Variants in TRIL observed in about 807,000 individuals in gnomAD.
The protein encoded by TRIL is TLR4 interactor with leucine rich repeats.
TRIL carries 23 observed loss-of-function variants against 43.0 expected under a neutral mutation model. The observed-to-expected ratio is 0.54, with a 90% CI of 0.39 to 0.76. The LOEUF (loss-of-function observed/expected upper bound fraction) is 0.76. Ranked by LOEUF, TRIL falls within the 30% of genes least tolerant of loss-of-function variation. The pLI is 0.00. For synonymous variants in TRIL, 602 were observed against 556.8 expected (o/e 1.08, Z -1.14); for missense variants, 1,114 against 1,139.3 (o/e 0.98, Z 0.32).
Position 28,955,425 on chromosome 7 carries a change from C to A in TRIL, c.*186G>T. ...CATTTGTCCCCTACTCTGGCTCTGA[C>A]CACCAAGTACCATCCATTTACTTCT... On this transcript the variant is annotated 3_prime_UTR_variant, in exon 1 of 1. Transcript: ENST00000539664. The A allele has an allele frequency of 1.1e-6, 1 of 921,998 alleles. No homozygotes were observed. The highest frequency in any genetic ancestry group is 2.0e-5 in the South Asian group (1 of 50,296). 57.1% of individuals were successfully genotyped at this position (921,998 alleles called of 1,614,324 possible).
rs928892673 is a variant in TRIL, at chr7:28,955,645, C to T, written c.2402G>A (p.Arg801Gln). The change falls in exon 1 of 1, where the codon CGG (arginine) becomes CAG (glutamine). Residue 801 changes from arginine (R) to glutamine (Q), a missense_variant. By Grantham distance (43) the Arg-to-Gln change is conservative. Coordinates refer to ENST00000539664, the MANE Select transcript of TRIL (RefSeq NM_014817.4). ...AAATCGCTGCAGGAGACGGTCCTCC[C>T]GTCTCAGGCTGCCGCCCGCGCCGCC... ...AGGGAGGSLR[R>Q]EDRLLQRFAD 5.2e-6 allele frequency: 8 copies of T among 1,545,810 alleles called. No homozygotes were observed. In the Admixed American group the frequency reaches 1.4e-4, roughly 27 times the overall value.
At position 28,957,780 on chromosome 7, in the gene TRIL, G is replaced by A. The variant is rs777548659; in HGVS notation, c.267C>T (p.Asp89=). Residue 89 remains aspartate (D), a synonymous_variant, in exon 1 of 1, where the codon GAC becomes GAT. Coordinates refer to ENST00000539664, the MANE Select transcript of TRIL (RefSeq NM_014817.4). ...FHRLGQLRRL[D]LQYNQIRSLH... ...GAGAGCGGATCTGGTTGTACTGCAG[G>A]TCCAGCCGTCTGAGCTGCCCCAGAC... is the stretch of plus-strand genomic sequence containing the variant. 15 of 1,613,886 alleles carry A rather than the reference G, an allele frequency of 9.3e-6. No homozygotes were observed. The highest frequency in any genetic ancestry group is 5.0e-5 in the Admixed American group (3 of 60,014).
chr7:28,956,865 C>T lies in TRIL; in HGVS notation c.1182G>A (p.Pro394=). ...LTVFVQCRHP[P]ALRGKYLDYL... is the part of the protein sequence containing the mutation. ...AATCCAGGTATTTGCCTCGCAGGGC[C>T]GGGGGGTGGCGACACTGCACGAAGA... The change falls in exon 1 of 1, where the codon CCG becomes CCA. Residue 394 remains proline, a synonymous_variant. Coordinates refer to ENST00000539664, the MANE Select transcript of TRIL (RefSeq NM_014817.4). The T allele has an allele frequency of 6.2e-7, 1 of 1,607,526 alleles. No individual in the cohort carries two copies. Among genetic ancestry groups the T allele is most frequent in the Non-Finnish European group, 8.5e-7 (1 of 1,176,004 alleles).
In TRIL at chr7:28,956,664, T is replaced by C. The variant is rs754885864; in HGVS notation, c.1383A>G (p.Arg461=). 6.3e-7 allele frequency: 1 copy of C among 1,575,578 alleles called. No individual in the cohort carries two copies. Among genetic ancestry groups the C allele is most frequent in the East Asian group, 2.3e-5 (1 of 44,344 alleles). The change falls in exon 1 of 1, where the codon CGA becomes CGG. Residue 461 remains arginine (R), a synonymous_variant. Transcript: ENST00000539664. ...CATCCCAGGCCACCCCAGCTAGAAATCGCCCCTGCTGCTGGAGCTGCGGCT... is the reference window on the plus strand; with the variant it reads ...CATCCCAGGCCACCCCAGCTAGAAACCGCCCCTGCTGCTGGAGCTGCGGCT... The part of the protein sequence containing the change: ...PPQPQLQQQG[R]FLAGVAWDGA...
chr7:28,957,444 C>T lies in TRIL; in HGVS notation c.603G>A (p.Gln201=). The change falls in exon 1 of 1, where the codon CAG becomes CAA. Residue 201 remains glutamine (Q), a synonymous_variant. Transcript: ENST00000539664. ...GGTTGAGGAAGCGCAGCTTGCCTAG[C>T]TGGGCGAAGGCGTTCTTGCCCAGAA... ...IRFLGKNAFA[Q]LGKLRFLNLS... 6.2e-7 allele frequency: 1 copy of T among 1,613,420 alleles called. No homozygotes were observed. Among genetic ancestry groups the T allele is most frequent in the Non-Finnish European group, 8.5e-7 (1 of 1,179,876 alleles).
Position 28,956,209 on chromosome 7 carries a change from CG to C in TRIL, c.1837del (p.Arg613GlyfsTer86). On this transcript the variant is annotated frameshift_variant, in exon 1 of 1. Coordinates refer to ENST00000539664, the MANE Select transcript of TRIL (RefSeq NM_014817.4). LOFTEE classifies it high-confidence loss of function. Reference sequence around the variant, plus strand: ...GCGGAAGCGCGCGCCGCCCAGCGGCCGGGGACTGCGGTGCTCGCGCACGGCC... The same window carrying C: ...GCGGAAGCGCGCGCCGCCCAGCGGCCGGGACTGCGGTGCTCGCGCACGGCC... Reference protein sequence around the residue: ...RWAVREHRSPRPLGGARFRLL... With the variant: ...RWAVREHRSPXPLGGARFRLL... 1 of 1,559,826 alleles carries C rather than the reference CG, an allele frequency of 6.4e-7. No individual in the cohort carries two copies.
rs918117470 is a variant in TRIL at position 28,956,498 on chromosome 7, G to A, written c.1549C>T (p.Arg517Trp). Residue 517 changes from arginine (R) to tryptophan (W), a missense_variant, in exon 1 of 1, where the codon CGG becomes TGG. Transcript: ENST00000539664. ...QSLDLHKKPQ[R>W]GRPTRADPAL... ...GGATCTGCCCGAGTCGGACGGCCCC[G>A]CTGGGGCTTCTTGTGCAGGTCTAGG... 6 of 1,573,870 alleles carry A rather than the reference G, an allele frequency of 3.8e-6. No individual in the cohort carries two copies. In the East Asian group the frequency reaches 1.4e-4, roughly 36 times the overall value.
Position 28,956,337 on chromosome 7 carries a change from G to A in TRIL, c.1710C>T (p.Ala570=), listed in dbSNP as rs921334297. 2.6e-6 allele frequency: 4 copies of A among 1,531,318 alleles called. No homozygotes were observed. Among genetic ancestry groups the A allele is most frequent in the African/African-American group, 1.4e-5 (1 of 72,674 alleles). The allele number at this position is 1,531,318 out of a possible 1,614,324, so 94.9% of individuals were successfully genotyped here. The change falls in exon 1 of 1, where the codon GCC becomes GCT. Residue 570 remains alanine, a synonymous_variant. Coordinates refer to ENST00000539664, the MANE Select transcript of TRIL (RefSeq NM_014817.4). ...QERAAQSDGG[A]GLPPLVSDPC... is the part of the protein sequence containing the mutation. ...GGTCGGACACCAGCGGCGGCAGCCC[G>A]GCCCCACCGTCGGACTGGGCGGCAC...
Position 28,956,237 on chromosome 7 carries a change from A to G in TRIL, c.1810T>C (p.Trp604Arg). 6.4e-7 allele frequency: 1 copy of G among 1,551,358 alleles called. No homozygotes were observed. The highest frequency in any genetic ancestry group is 8.7e-7 in the Non-Finnish European group (1 of 1,150,772). ...AVGADSASVR[W>R]AVREHRSPRP... ...GGACTGCGGTGCTCGCGCACGGCCC[A>G]GCGCACCGAGGCGCTGTCTGCGCCC... The change falls in exon 1 of 1, where the codon TGG (tryptophan) becomes CGG (arginine). Residue 604 changes from tryptophan (W) to arginine (R), a missense_variant. Coordinates refer to ENST00000539664, the MANE Select transcript of TRIL (RefSeq NM_014817.4).
rs765897001 is a variant in TRIL, at chr7:28,955,950, G to C, written c.2097C>G (p.Thr699=). The C allele has an allele frequency of 3.9e-6, 6 of 1,555,014 alleles. No individual in the cohort carries two copies. In the South Asian group the frequency reaches 5.9e-5, roughly 15 times the overall value. Residue 699 remains threonine (T), a synonymous_variant, in exon 1 of 1, where the codon ACC becomes ACG. Coordinates refer to ENST00000539664, the MANE Select transcript of TRIL (RefSeq NM_014817.4). ...SRGGVDYQLL[T]LALLTVNALL... ...GCGCGTTGACCGTCAGCAGGGCCAA[G>C]GTCAGCAGCTGGTAGTCGACGCCGC...
chr7:28,955,707 G>A lies in TRIL; in HGVS notation c.2340C>T (p.Ile780=). 6.5e-7 allele frequency: 1 copy of A among 1,550,132 alleles called. No homozygotes were observed. Among genetic ancestry groups the A allele is most frequent in the African/African-American group, 1.4e-5 (1 of 73,176 alleles). Residue 780 remains isoleucine (I), a synonymous_variant, in exon 1 of 1, where the codon ATC becomes ATT. Transcript: ENST00000539664. ...CCATGAAGCGGTCGCAGGGGAATTC[G>A]ATGAGGTCCGCCTCACTGAGCGCGC... ...TVCALSEADL[I]EFPCDRFMDS...
In TRIL at chr7:28,955,930, T is replaced by A. The variant is rs201976248; in HGVS notation, c.2117A>T (p.Asn706Ile). The change falls in exon 1 of 1, where the codon AAC becomes ATC. Residue 706 changes from asparagine to isoleucine, a missense_variant. Coordinates refer to ENST00000539664, the MANE Select transcript of TRIL (RefSeq NM_014817.4). ...CAAGGCCAGGAGCACCAGCAGCGCGTTGACCGTCAGCAGGGCCAAGGTCAG... is the reference window on the plus strand; with the variant it reads ...CAAGGCCAGGAGCACCAGCAGCGCGATGACCGTCAGCAGGGCCAAGGTCAG... ...QLLTLALLTV[N>I]ALLVLLALAA... 3 of 1,553,292 alleles carry A rather than the reference T, an allele frequency of 1.9e-6. No individual in the cohort carries two copies. The highest frequency in any genetic ancestry group is 2.4e-5 in the South Asian group (2 of 84,364).
chr7:28,955,774 T>C lies in TRIL; in HGVS notation c.2273A>G (p.Asp758Gly), dbSNP rs1219667748. ...LRSMGTGVSA[D>G]FSGFQSHRPR... ...CCGGTGCGACTGGAATCCCGAGAAG[T>C]CGGCGGACACGCCGGTGCCCATGGA... The change falls in exon 1 of 1, where the codon GAC becomes GGC. Residue 758 changes from aspartate (D) to glycine (G), a missense_variant. By Grantham distance (94) the Asp-to-Gly change is moderately conservative. Coordinates refer to ENST00000539664, the MANE Select transcript of TRIL (RefSeq NM_014817.4). 6.5e-7 allele frequency: 1 copy of C among 1,550,156 alleles called. No individual in the cohort carries two copies. Among genetic ancestry groups the C allele is most frequent in the Non-Finnish European group, 8.7e-7 (1 of 1,146,828 alleles).
chr7:28,957,393 G>A lies in TRIL; in HGVS notation c.654C>T (p.Ser218=). 6.2e-7 allele frequency: 1 copy of A among 1,613,550 alleles called. No homozygotes were observed. The highest frequency in any genetic ancestry group is 8.5e-7 in the Non-Finnish European group (1 of 1,179,866). The change falls in exon 1 of 1, where the codon TCC becomes TCT. Residue 218 remains serine, a synonymous_variant. Transcript: ENST00000539664. ...GTGCGAAGGTGGCCGCGTGGCGCAG[G>A]GAGGGCTGTAGCTCGTTGGCAGAGA... ...LNLSANELQP[S]LRHAATFAPL...
rs771693973 is a variant in TRIL at position 28,956,606 on chromosome 7, C to A, written c.1441G>T (p.Ala481Ser). Residue 481 changes from alanine to serine, a missense_variant, in exon 1 of 1, where the codon GCC (alanine) becomes TCC (serine). Coordinates refer to ENST00000539664, the MANE Select transcript of TRIL (RefSeq NM_014817.4). Reference protein sequence around the residue: ...AARELVGNRSALRLSRRGPGL... With the variant: ...AARELVGNRSSLRLSRRGPGL... The stretch of plus-strand genomic sequence containing the variant: ...GGGCCCCGCCGACTCAGCCTTAGGG[C>A]GCTGCGGTTGCCTACCAGCTCCCTG... 15 of 1,570,354 alleles carry A rather than the reference C, an allele frequency of 9.6e-6. No homozygotes were observed. The Admixed American group carries it at 2.2e-4, about 23-fold the overall frequency.
Position 28,957,361 on chromosome 7 carries a change from CG to C in TRIL, c.685del (p.Arg229AlafsTer61), listed in dbSNP as rs1220981846. On this transcript the variant is annotated frameshift_variant, in exon 1 of 1. Transcript: ENST00000539664. LOFTEE classifies it high-confidence loss of function. Reference protein sequence around the residue: ...LRHAATFAPLRSLSSLILSAN... With the variant: ...LRHAATFAPLXSLSSLILSAN... ...CGAGAGGATGAGGGAGGAGAGGGAG[CG>C]CAGCGGTGCGAAGGTGGCCGCGTGG... 1 of 1,612,664 alleles carries C rather than the reference CG, an allele frequency of 6.2e-7. No homozygotes were observed. Among genetic ancestry groups the C allele is most frequent in the Non-Finnish European group, 8.5e-7 (1 of 1,179,414 alleles).
Position 28,957,088 on chromosome 7 carries a change from G to A in TRIL, c.959C>T (p.Thr320Ile), listed in dbSNP as rs1285115629. 1.3e-6 allele frequency: 2 copies of A among 1,572,962 alleles called. No homozygotes were observed. Among genetic ancestry groups the A allele is most frequent in the Non-Finnish European group, 1.7e-6 (2 of 1,162,570 alleles). ...GNELSALHPA[T>I]FGHLGRLREL... ...GCGCAGCCGGCCCAGGTGGCCGAAG[G>A]TGGCCGGGTGCAGGGCGGACAGCTC... The change falls in exon 1 of 1, where the codon ACC (threonine) becomes ATC (isoleucine). Residue 320 changes from threonine to isoleucine, a missense_variant. Thr to Ile is a moderately conservative substitution (Grantham distance 89, BLOSUM62 -1). Coordinates refer to ENST00000539664, the MANE Select transcript of TRIL (RefSeq NM_014817.4).
Position 28,956,161 on chromosome 7 carries a change from T to C in TRIL, c.1886A>G (p.Gln629Arg), listed in dbSNP as rs1783398292. The C allele has an allele frequency of 6.4e-7, 1 of 1,574,530 alleles. No homozygotes were observed. The highest frequency in any genetic ancestry group is 1.3e-5 in the African/African-American group (1 of 74,216). ...RFRLLFDRFG[Q>R]QPKFHRFVYL... ...GACGAAGCGGTGGAACTTGGGCTGC[T>C]GGCCAAAGCGGTCAAAGAGCAGGCG... Residue 629 changes from glutamine to arginine, a missense_variant, in exon 1 of 1, where the codon CAG (glutamine) becomes CGG (arginine). Coordinates refer to ENST00000539664, the MANE Select transcript of TRIL (RefSeq NM_014817.4).
Position 28,957,555 on chromosome 7 carries a change from C to T in TRIL, c.492G>A (p.Gly164=). The change falls in exon 1 of 1, where the codon GGG becomes GGA. Residue 164 remains glycine, a synonymous_variant. Transcript: ENST00000539664. ...CGTCCGGCAGCGCCCCCAGGGCGTT[C>T]CCGTCCAGCCGCAGCTTGACTAGAC... ...LESLVKLRLD[G]NALGALPDAV... is the part of the protein sequence containing the mutation. 2 of 1,612,426 alleles carry T rather than the reference C, an allele frequency of 1.2e-6. No individual in the cohort carries two copies. The highest frequency in any genetic ancestry group is 1.7e-6 in the Non-Finnish European group (2 of 1,179,644).
Sources: allele counts gnomAD v4.1 joint callset, GRCh38; gene constraint gnomAD v4.1.1; transcripts MANE v1.5; gene names NCBI Gene and HGNC (gene_info 2026-07-23, HGNC 2026-07-21).